TLCD3B: variants seen among roughly 807,000 people sequenced by gnomAD.
TLCD3B encodes ceramide synthase.
TLCD3B carries 9 observed loss-of-function variants against 23.0 expected under a neutral mutation model. The ratio of observed to expected loss-of-function variants is 0.39; its 90% CI spans 0.24 to 0.68. The LOEUF is 0.68. TLCD3B is among the 30% of genes least tolerant of loss of function. The probability of loss-of-function intolerance (pLI) is 0.44; values close to 1 mark genes in which losing one functional copy is unlikely to be tolerated. For missense variants in TLCD3B, 307 were observed against 371.8 expected (o/e 0.83, Z 1.43); for synonymous variants, 161 against 161.0 (o/e 1.00, Z 0.00).
chr16:30,025,512 G>GC lies in TLCD3B; in HGVS notation c.541-46dup, dbSNP rs1180538933. On this transcript the variant is annotated intron_variant, in intron 4 of 4. Transcript: ENST00000380495. The surrounding 1 kb of genome is among the most constrained non-coding windows in gnomAD (Gnocchi z 4.1). Reference sequence around the variant, plus strand: ...GTGGCCACGGCAGCAGAAGGGCTCGGCCCCCCTTGGCCCTCTCCCTGCCTC... The same window carrying GC: ...GTGGCCACGGCAGCAGAAGGGCTCGGCCCCCCCTTGGCCCTCTCCCTGCCTC... 9.4e-6 allele frequency: 15 copies of GC among 1,601,956 alleles called. No homozygotes were observed. The highest frequency in any genetic ancestry group is 1.7e-5 in the Admixed American group (1 of 58,500).
At chr16:30,045,466 ATT>A (rs2071654118) in intron 2 of TLCD3B, among the ~76,000 whole-genome samples, 1 of 71,746 alleles carries the variant, frequency 1.4e-5, no homozygotes, top group Non-Finnish European at 2.7e-5. Flanking sequence ...GTGTGTGTGT[ATT>A]TGTGTGTGTG....
upstream of TLCD3B, among the ~76,000 whole-genome samples, chr16:30,035,787 AGTCTTACTCTT>A (rs1401524684): frequency 1.5e-5 from 2 of 136,072 alleles, no homozygotes; most frequent in Non-Finnish European, 3.1e-5. Flanking sequence ...TTTGAGATGC[AGTCTTACTCTT>A]GTTGCCCAGG....
At chr16:30,051,869 G>A (rs1215592005) in intron 1 of TLCD3B, among the ~76,000 whole-genome samples, 4 of 152,108 alleles carry the variant, frequency 2.6e-5, no homozygotes, top group African/African-American at 9.7e-5. Flanking sequence ...GAAGACAGAG[G>A]GTGTTCCAGG....
rs768206359 is a variant in TLCD3B at position 30,029,493 on chromosome 16, T to A, written c.148A>T (p.Ile50Phe). ...ATGTAGCCGGCAGTGGAGGCCATGA[T>A]GGCCTGGACAGAGGACACCAGCCTG... Reference protein sequence around the residue: ...SARLVSSVQAIMASTAGYIVS... With the variant: ...SARLVSSVQAFMASTAGYIVS... The change falls in exon 2 of 5, where the codon ATC becomes TTC. Residue 50 changes from isoleucine to phenylalanine, a missense_variant. Physicochemically the swap from Ile to Phe is conservative, Grantham distance 21. Coordinates refer to ENST00000380495, the MANE Select transcript of TLCD3B (RefSeq NM_031478.6). The surrounding 1 kb of genome is among the most constrained non-coding windows in gnomAD (Gnocchi z 4.6). The A allele has an allele frequency of 1.9e-6, 3 of 1,613,834 alleles. No homozygotes were observed. The highest frequency in any genetic ancestry group is 1.3e-5 in the African/African-American group (1 of 74,902).
intron 3 of TLCD3B, chr16:30,036,610 T>C: frequency 3.1e-6 from 1 of 323,818 alleles, no homozygotes; most frequent in Non-Finnish European, 5.9e-6. Context: ...GGCTAGAAGG[T>C]GCCATCCTCC....
intron 2 of TLCD3B, chr16:30,027,741 G>T: frequency 4.5e-6 from 2 of 445,408 alleles, no homozygotes; most frequent in South Asian, 3.1e-5. Flanking sequence ...TCAGCACATT[G>T]GCAGTTTCTC....
chr16:30,040,147 AATATATAT>A (rs1192651776), intron 3 of TLCD3B, among the ~76,000 whole-genome samples: 1 of 95,898 alleles, frequency 1.0e-5, no homozygotes, highest in Non-Finnish European at 2.0e-5. Context: ...AAAAAAAAAA[AATATATAT>A]ATATATATAT....
chr16:30,026,576 C>G (rs780668926), intron 3 of TLCD3B, 33 bp downstream of exon 3: 84 of 1,586,848 alleles, frequency 5.3e-5, no homozygotes, highest in Non-Finnish European at 7.1e-5. Flanking sequence ...GCAGGCCACC[C>G]GCACCCCGCC....
intron 3 of TLCD3B, among the ~76,000 whole-genome samples, chr16:30,037,415 C>T (rs2071494793): frequency 6.6e-6 from 1 of 150,586 alleles, no homozygotes; most frequent in African/African-American, 2.4e-5. Flanking sequence ...CGTTGGCGGG[C>T]GCCTGTAGTC....
In TLCD3B at chr16:30,029,070, G is replaced by A. The variant is rs2071270319; in HGVS notation, c.209+362C>T. Among the ~76,000 whole-genome samples the A allele has an allele frequency of 6.6e-6, 1 of 152,164 alleles. No individual in the cohort carries two copies. Among genetic ancestry groups the A allele is most frequent in the Non-Finnish European group, 1.5e-5 (1 of 68,020 alleles). ...TGGGAAGGGCTGAGGGGTGAGCCTG[G>A]CATGAGGAGGGGGCACCCCATCTGG... On this transcript the variant is annotated intron_variant, in intron 2 of 4. Transcript: ENST00000380495. This position sits in a 1 kb window ranked among gnomAD's most constrained non-coding sequence, Gnocchi z 4.6.
chr16:30,052,567 C>T (rs1022054128), intron 1 of TLCD3B, among the ~76,000 whole-genome samples: 2 of 143,438 alleles, frequency 1.4e-5, no homozygotes, highest in African/African-American at 2.6e-5. Context: ...TGTGGTAGTG[C>T]GCGCCTGTAA....
intron 2 of TLCD3B, among the ~76,000 whole-genome samples, chr16:30,044,517 G>T (rs996648179): frequency 6.6e-6 from 1 of 151,922 alleles, no homozygotes. Context: ...TCAACCTGTT[G>T]CCCAGGCTGG....
In TLCD3B at chr16:30,026,604, C is replaced by A; in HGVS notation, c.444+5G>T. On this transcript the variant is annotated splice_donor_5th_base_variant and intron_variant, in intron 3 of 4. Coordinates refer to ENST00000380495, the MANE Select transcript of TLCD3B (RefSeq NM_031478.6). ...ACCCCGCCCGCCCAGCTCCCCGGGA[C>A]TCACCACTGAGAGTGGGAAGCACAC... 1.2e-6 allele frequency: 2 copies of A among 1,612,220 alleles called. No homozygotes were observed. Among genetic ancestry groups the A allele is most frequent in the Non-Finnish European group, 1.7e-6 (2 of 1,179,100 alleles).
upstream of TLCD3B, among the ~76,000 whole-genome samples, chr16:30,031,552 G>A (rs1169584416): frequency 1.3e-5 from 2 of 152,218 alleles, no homozygotes; most frequent in African/African-American, 2.4e-5. Context: ...CCCCGGGTCC[G>A]AGCTTTGGGT....
intron 1 of TLCD3B, among the ~76,000 whole-genome samples, chr16:30,049,257 C>T (rs372020466): frequency 3.3e-5 from 5 of 152,190 alleles, no homozygotes; most frequent in African/African-American, 1.2e-4. Flanking sequence ...ATTACCTAAA[C>T]ACAAGCCTTT....
intron 3 of TLCD3B, among the ~76,000 whole-genome samples, chr16:30,040,329 A>G (rs765585012): frequency 6.6e-6 from 1 of 151,934 alleles, no homozygotes; most frequent in Non-Finnish European, 1.5e-5. Flanking sequence ...CTGAGCACCC[A>G]CTGTATGCCA....
At chr16:30,028,409 A>T (rs1254279619) in intron 2 of TLCD3B, among the ~76,000 whole-genome samples, 1 of 152,006 alleles carries the variant, frequency 6.6e-6, no homozygotes, top group Non-Finnish European at 1.5e-5. Context: ...CAGAAGCTAA[A>T]CGGTGACCTC....
intron 1 of TLCD3B, chr16:30,052,769 T>A (rs889794859): frequency 7.2e-5 from 11 of 151,860 alleles, no homozygotes; most frequent in Non-Finnish European, 1.6e-4. Context: ...AGCATTGATG[T>A]TTACAATATC....
At chr16:30,050,670 G>A (rs1277206901) in intron 1 of TLCD3B, among the ~76,000 whole-genome samples, 1 of 152,222 alleles carries the variant, frequency 6.6e-6, no homozygotes, top group Non-Finnish European at 1.5e-5. Context: ...CTCTGAGAGG[G>A]CCAGGGGTGG....
Sources: gnomAD v4.1 joint callset for allele counts (sites outside exome capture counted in the v4.1 genomes callset) on GRCh38, gnomAD v4.1.1 for gene constraint, Gnocchi (gnomAD v3.1) non-coding constraint, MANE v1.5 for transcripts, NCBI Gene and HGNC (gene_info 2026-07-23, HGNC 2026-07-21) for gene names.